The following RAP2B variants were observed in gnomAD, a reference collection of about 807,000 sequenced individuals.
The protein encoded by RAP2B is ras-related protein Rap-2b.
RAP2B carries 6 observed loss-of-function variants against 14.4 expected under a neutral mutation model. The ratio of observed to expected loss-of-function variants is 0.42; its 90% CI spans 0.23 to 0.82. The LOEUF (loss-of-function observed/expected upper bound fraction) is 0.82. Among genes scored for constraint, RAP2B ranks in the 40% least tolerant of loss-of-function variants. The pLI is 0.30. For missense variants in RAP2B, 137 were observed against 248.2 expected (o/e 0.55, Z 3.01); for synonymous variants, 118 against 113.2 (o/e 1.04, Z -0.27).
chr3:153,165,360 T>C lies in RAP2B; in HGVS notation c.*2115T>C. ...CCTCATAAGTTTTTCCTTTTAACAG[T>C]AGGAGGCAGTGTGAGCTTTTTATTT... On this transcript the variant is annotated 3_prime_UTR_variant, in exon 1 of 1. Coordinates refer to ENST00000323534, the MANE Select transcript of RAP2B (RefSeq NM_002886.4). 1 of 166,990 alleles carries C rather than the reference T, an allele frequency of 6.0e-6. No homozygotes were observed. Among genetic ancestry groups the C allele is most frequent in the East Asian group, 1.9e-4 (1 of 5,210 alleles). 10.3% of individuals were successfully genotyped at this position (166,990 alleles called of 1,614,324 possible).
At position 153,165,872 on chromosome 3, in the gene RAP2B, G is replaced by C. The variant is rs930105521; in HGVS notation, c.*2627G>C. On this transcript the variant is annotated 3_prime_UTR_variant, in exon 1 of 1. Transcript: ENST00000323534. Reference sequence around the variant, plus strand: ...AAAGTAGATCCAAAGTGTTAAAAATGCTGAAGTCATGTCAAGTACTGTCTG... The same window carrying C: ...AAAGTAGATCCAAAGTGTTAAAAATCCTGAAGTCATGTCAAGTACTGTCTG... The C allele has an allele frequency of 1.8e-5, 3 of 167,088 alleles. No homozygotes were observed. Among genetic ancestry groups the C allele is most frequent in the African/African-American group, 7.2e-5 (3 of 41,466 alleles). The allele number at this position is 167,088 out of a possible 1,614,324, so 10.4% of individuals were successfully genotyped here.
chr3:153,162,621 G>T lies in RAP2B; in HGVS notation c.-73G>T, dbSNP rs1050620343. 55 of 1,472,618 alleles carry T rather than the reference G, an allele frequency of 3.7e-5. No homozygotes were observed. The highest frequency in any genetic ancestry group is 4.9e-5 in the Non-Finnish European group (54 of 1,109,922). The allele number at this position is 1,472,618 out of a possible 1,614,324, so 91.2% of individuals were successfully genotyped here. A position where few individuals can be genotyped will look rare whatever the true frequency, so the allele number is the denominator to read the frequency against. ...GAGGAAGGGGAAGAGAAGTCCAGCC[G>T]CCAAGCCCAGCCTTCCCCGGCGCGC... is the stretch of plus-strand genomic sequence containing the variant. On this transcript the variant is annotated 5_prime_UTR_variant, in exon 1 of 1. Transcript: ENST00000323534. This position sits in a 1 kb window ranked among gnomAD's most constrained non-coding sequence, Gnocchi z 4.9.
Position 153,163,086 on chromosome 3 carries a change from C to T in RAP2B, c.393C>T (p.Gly131=). ...EGEREVSYGE[G]KALAEEWSCP... Reference sequence around the variant, plus strand: ...AGCGCGAGGTCTCGTACGGGGAGGGCAAGGCCCTGGCTGAGGAGTGGAGCT... The same window carrying T: ...AGCGCGAGGTCTCGTACGGGGAGGGTAAGGCCCTGGCTGAGGAGTGGAGCT... Residue 131 remains glycine, a synonymous_variant, in exon 1 of 1, where the codon GGC becomes GGT. Coordinates refer to ENST00000323534, the MANE Select transcript of RAP2B (RefSeq NM_002886.4). The T allele has an allele frequency of 6.2e-7, 1 of 1,613,978 alleles. No homozygotes were observed. Among genetic ancestry groups the T allele is most frequent in the Non-Finnish European group, 8.5e-7 (1 of 1,180,038 alleles).
In RAP2B at chr3:153,164,100, G is replaced by C. The variant is rs906340347; in HGVS notation, c.*855G>C. 1 of 166,488 alleles carries C rather than the reference G, an allele frequency of 6.0e-6. No homozygotes were observed. The highest frequency in any genetic ancestry group is 2.4e-5 in the African/African-American group (1 of 41,240). 10.3% of individuals were successfully genotyped at this position (166,488 alleles called of 1,614,324 possible). ...TATCAGCTGTGAAAAAAATGTTACA[G>C]ATCTGCACATTTTCGTGTGTACTAT... On this transcript the variant is annotated 3_prime_UTR_variant, in exon 1 of 1. Coordinates refer to ENST00000323534, the MANE Select transcript of RAP2B (RefSeq NM_002886.4).
chr3:153,163,429 G>C lies in RAP2B; in HGVS notation c.*184G>C. On this transcript the variant is annotated 3_prime_UTR_variant, in exon 1 of 1. Transcript: ENST00000323534. ...CCACCCTGTGCCCGAGGGGGTGTCC[G>C]GTCCTGCCCATCCGATACTCTGGTG... is the stretch of plus-strand genomic sequence containing the variant. The C allele has an allele frequency of 1.4e-6, 1 of 733,404 alleles. No individual in the cohort carries two copies. Among genetic ancestry groups the C allele is most frequent in the East Asian group, 2.8e-5 (1 of 35,764 alleles). 45.4% of individuals were successfully genotyped at this position (733,404 alleles called of 1,614,324 possible). A position where few individuals can be genotyped will look rare whatever the true frequency, so the allele number is the denominator to read the frequency against.
In RAP2B at chr3:153,164,933, A is replaced by G. The variant is rs1467947527; in HGVS notation, c.*1688A>G. 2 of 166,566 alleles carry G rather than the reference A, an allele frequency of 1.2e-5. No homozygotes were observed. Among genetic ancestry groups the G allele is most frequent in the African/African-American group, 2.4e-5 (1 of 41,378 alleles). 10.3% of individuals were successfully genotyped at this position (166,566 alleles called of 1,614,324 possible). A position where few individuals can be genotyped will look rare whatever the true frequency, so the allele number is the denominator to read the frequency against. ...CATCAAGGTCGAGGAAGCCCTGGGT[A>G]TGGCCATTACCATCTGATTAGAAGA... On this transcript the variant is annotated 3_prime_UTR_variant, in exon 1 of 1. Coordinates refer to ENST00000323534, the MANE Select transcript of RAP2B (RefSeq NM_002886.4).
At position 153,168,696 on chromosome 3, in the gene RAP2B, C is replaced by T. The variant is rs997853684; in HGVS notation, c.*5451C>T. On this transcript the variant is annotated 3_prime_UTR_variant, in exon 1 of 1. Transcript: ENST00000323534. ...ATTAAGATTGTCTTTGGAGCTATGTCTTCCATTCCAACTATACAGAAATAA... is the reference window on the plus strand; with the variant it reads ...ATTAAGATTGTCTTTGGAGCTATGTTTTCCATTCCAACTATACAGAAATAA... 1.3e-5 allele frequency: 2 copies of T among 152,166 alleles called. No individual in the cohort carries two copies. The highest frequency in any genetic ancestry group is 1.3e-4 in the Admixed American group (2 of 15,278). 9.4% of individuals were successfully genotyped at this position (152,166 alleles called of 1,614,324 possible). A position where few individuals can be genotyped will look rare whatever the true frequency, so the allele number is the denominator to read the frequency against.
rs1159317652 is a variant in RAP2B, at chr3:153,163,476, T to C, written c.*231T>C. 6 of 571,772 alleles carry C rather than the reference T, an allele frequency of 1.0e-5. No homozygotes were observed. The Admixed American group carries it at 2.2e-4, about 21-fold the overall frequency. The allele number at this position is 571,772 out of a possible 1,614,324, so 35.4% of individuals were successfully genotyped here. On this transcript the variant is annotated 3_prime_UTR_variant, in exon 1 of 1. Coordinates refer to ENST00000323534, the MANE Select transcript of RAP2B (RefSeq NM_002886.4). Reference sequence around the variant, plus strand: ...GGTGGAAATGTGGCTCTTTGCAGCATGTACGTTTCTCCCTGATTTTGGTTG... The same window carrying C: ...GGTGGAAATGTGGCTCTTTGCAGCACGTACGTTTCTCCCTGATTTTGGTTG...
chr3:153,163,814 G>A lies in RAP2B; in HGVS notation c.*569G>A, dbSNP rs1304303406. 3 of 166,918 alleles carry A rather than the reference G, an allele frequency of 1.8e-5. No homozygotes were observed. Among genetic ancestry groups the A allele is most frequent in the Non-Finnish European group, 4.4e-5 (3 of 68,264 alleles). 10.3% of individuals were successfully genotyped at this position (166,918 alleles called of 1,614,324 possible). A position where few individuals can be genotyped will look rare whatever the true frequency, so the allele number is the denominator to read the frequency against. ...TTTTCCAGGAGTAGCTGGAAATTAA[G>A]ATCGGGTTCCTTTTCTGCCAGCTTG... On this transcript the variant is annotated 3_prime_UTR_variant, in exon 1 of 1. Transcript: ENST00000323534.
rs1713690746 is a variant in RAP2B at position 153,170,119 on chromosome 3, G to A, written c.*6874G>A. 6.6e-6 allele frequency: 1 copy of A among 152,168 alleles called. No homozygotes were observed. The highest frequency in any genetic ancestry group is 2.1e-4 in the South Asian group (1 of 4,822). 9.4% of individuals were successfully genotyped at this position (152,168 alleles called of 1,614,324 possible). A position where few individuals can be genotyped will look rare whatever the true frequency, so the allele number is the denominator to read the frequency against. ...TGAATTATCTTGCAAAATTATGTGAGGTTAAGTTTGTCAGAGGATTGAAAA... is the reference window on the plus strand; with the variant it reads ...TGAATTATCTTGCAAAATTATGTGAAGTTAAGTTTGTCAGAGGATTGAAAA... On this transcript the variant is annotated 3_prime_UTR_variant, in exon 1 of 1. Transcript: ENST00000323534.
chr3:153,164,554 A>G lies in RAP2B; in HGVS notation c.*1309A>G, dbSNP rs973044005. 1.8e-5 allele frequency: 3 copies of G among 166,238 alleles called. No individual in the cohort carries two copies. The highest frequency in any genetic ancestry group is 7.3e-5 in the African/African-American group (3 of 41,160). 10.3% of individuals were successfully genotyped at this position (166,238 alleles called of 1,614,324 possible). The stretch of plus-strand genomic sequence containing the variant: ...AGGTATTTAGCTCCCCTTTCATATT[A>G]TTTTTAAATTTTTTAATTACCTGTT... On this transcript the variant is annotated 3_prime_UTR_variant, in exon 1 of 1. Coordinates refer to ENST00000323534, the MANE Select transcript of RAP2B (RefSeq NM_002886.4).
At position 153,165,397 on chromosome 3, in the gene RAP2B, TA is replaced by T. The variant is rs762708318; in HGVS notation, c.*2154del. On this transcript the variant is annotated 3_prime_UTR_variant, in exon 1 of 1. Transcript: ENST00000323534. ...TGAGCTTTTTATTTTTTATTTTTCTTAAGGTGGTCTTAGTAATATAACATGT... is the reference window on the plus strand; with the variant it reads ...TGAGCTTTTTATTTTTTATTTTTCTTAGGTGGTCTTAGTAATATAACATGT... 27 of 166,760 alleles carry T rather than the reference TA, an allele frequency of 1.6e-4. No individual in the cohort carries two copies. Among genetic ancestry groups the T allele is most frequent in the Non-Finnish European group, 1.5e-5 (1 of 68,100 alleles). The allele number at this position is 166,760 out of a possible 1,614,324, so 10.3% of individuals were successfully genotyped here. A position where few individuals can be genotyped will look rare whatever the true frequency, so the allele number is the denominator to read the frequency against.
rs1713604907 is a variant in RAP2B at position 153,167,212 on chromosome 3, T to C, written c.*3967T>C. The C allele has an allele frequency of 6.0e-6, 1 of 167,056 alleles. No individual in the cohort carries two copies. Among genetic ancestry groups the C allele is most frequent in the Admixed American group, 6.5e-5 (1 of 15,280 alleles). The allele number at this position is 167,056 out of a possible 1,614,324, so 10.3% of individuals were successfully genotyped here. A position where few individuals can be genotyped will look rare whatever the true frequency, so the allele number is the denominator to read the frequency against. On this transcript the variant is annotated 3_prime_UTR_variant, in exon 1 of 1. Transcript: ENST00000323534. ...GATTACAGTATTTTATGCAGACTAT[T>C]AGGAATGATTCAGTGCATTTAACTG...
chr3:153,162,529 C>T lies in RAP2B; in HGVS notation c.-165C>T. ...CGCCGCCGGCCGGCCCGGCGCCCGGCCTCCGTTCGGTGGTTTCCGCCCTGC... is the reference window on the plus strand; with the variant it reads ...CGCCGCCGGCCGGCCCGGCGCCCGGTCTCCGTTCGGTGGTTTCCGCCCTGC... On this transcript the variant is annotated 5_prime_UTR_variant, in exon 1 of 1. Coordinates refer to ENST00000323534, the MANE Select transcript of RAP2B (RefSeq NM_002886.4). The surrounding 1 kb of genome is among the most constrained non-coding windows in gnomAD (Gnocchi z 4.9). 1.3e-6 allele frequency: 1 copy of T among 796,242 alleles called. No homozygotes were observed. The allele number at this position is 796,242 out of a possible 1,614,324, so 49.3% of individuals were successfully genotyped here.
rs1021906852 is a variant in RAP2B, at chr3:153,162,639, C to G, written c.-55C>G. 1.3e-6 allele frequency: 2 copies of G among 1,526,952 alleles called. No homozygotes were observed. The highest frequency in any genetic ancestry group is 2.1e-5 in the Admixed American group (1 of 48,470). The allele number at this position is 1,526,952 out of a possible 1,614,324, so 94.6% of individuals were successfully genotyped here. ...TCCAGCCGCCAAGCCCAGCCTTCCC[C>G]GGCGCGCAGCCCCGACGGGGCCGCG... On this transcript the variant is annotated 5_prime_UTR_variant, in exon 1 of 1. Transcript: ENST00000323534. The surrounding 1 kb of genome is among the most constrained non-coding windows in gnomAD (Gnocchi z 4.9).
chr3:153,168,954 A>G lies in RAP2B; in HGVS notation c.*5709A>G, dbSNP rs1006533384. 2 of 152,170 alleles carry G rather than the reference A, an allele frequency of 1.3e-5. No homozygotes were observed. The highest frequency in any genetic ancestry group is 4.8e-5 in the African/African-American group (2 of 41,440). 9.4% of individuals were successfully genotyped at this position (152,170 alleles called of 1,614,324 possible). A position where few individuals can be genotyped will look rare whatever the true frequency, so the allele number is the denominator to read the frequency against. ...TACGGTTATTTCTACTACTGTTAAT[A>G]TGGACTAATACTTGATTTTGTGAAC... On this transcript the variant is annotated 3_prime_UTR_variant, in exon 1 of 1. Transcript: ENST00000323534.
rs1485142389 is a variant in RAP2B, at chr3:153,162,477, A to G, written c.-217A>G. On this transcript the variant is annotated 5_prime_UTR_variant, in exon 1 of 1. Transcript: ENST00000323534. This position sits in a 1 kb window ranked among gnomAD's most constrained non-coding sequence, Gnocchi z 4.9. ...CGCCGCGGACTGCTGCGGGGCCCGG[A>G]CCCGCACCCCAGGGATACGCTGCCG... 9.6e-6 allele frequency: 4 copies of G among 415,488 alleles called. No homozygotes were observed. Among genetic ancestry groups the G allele is most frequent in the African/African-American group, 2.1e-5 (1 of 46,872 alleles). The allele number at this position is 415,488 out of a possible 1,614,324, so 25.7% of individuals were successfully genotyped here. A position where few individuals can be genotyped will look rare whatever the true frequency, so the allele number is the denominator to read the frequency against.
chr3:153,167,652 T>C lies in RAP2B; in HGVS notation c.*4407T>C, dbSNP rs557881193. The C allele has an allele frequency of 2.4e-5, 4 of 167,214 alleles. No homozygotes were observed. Among genetic ancestry groups the C allele is most frequent in the East Asian group, 1.9e-4 (1 of 5,192 alleles). The allele number at this position is 167,214 out of a possible 1,614,324, so 10.4% of individuals were successfully genotyped here. A position where few individuals can be genotyped will look rare whatever the true frequency, so the allele number is the denominator to read the frequency against. On this transcript the variant is annotated 3_prime_UTR_variant, in exon 1 of 1. Transcript: ENST00000323534. ...TGAAATCTAAGCTAAAGAGGACATA[T>C]ACCATTTATACTAAGACTAACTGTT...
Position 153,163,543 on chromosome 3 carries a change from C to T in RAP2B, c.*298C>T, listed in dbSNP as rs1237570291. ...TTAAGTAGCCGTTAGGGCGCAGTAT[C>T]GGCAGCTTGACACCCACCAAGCAAA... On this transcript the variant is annotated 3_prime_UTR_variant, in exon 1 of 1. Coordinates refer to ENST00000323534, the MANE Select transcript of RAP2B (RefSeq NM_002886.4). 1 of 317,224 alleles carries T rather than the reference C, an allele frequency of 3.2e-6. No individual in the cohort carries two copies. The highest frequency in any genetic ancestry group is 6.1e-6 in the Non-Finnish European group (1 of 164,976). 19.7% of individuals were successfully genotyped at this position (317,224 alleles called of 1,614,324 possible).
Sources: gnomAD v4.1 joint callset for allele counts on GRCh38, gnomAD v4.1.1 for gene constraint, Gnocchi (gnomAD v3.1) non-coding constraint, MANE v1.5 for transcripts, NCBI Gene and HGNC (gene_info 2026-07-23, HGNC 2026-07-21) for gene names.